PCDHA5: variants seen among roughly 807,000 people sequenced by gnomAD.
PCDHA5 encodes protocadherin alpha 5, also known as protocadherin alpha-5.
Under a neutral mutation model 61.6 loss-of-function variants are expected in PCDHA5, and 43 were observed. The observed-to-expected ratio is 0.70, with a 90% CI of 0.55 to 0.90. The LOEUF (loss-of-function observed/expected upper bound fraction) is 0.90. Among genes scored for constraint, PCDHA5 ranks in the 40% least tolerant of loss-of-function variants. The pLI, the probability that PCDHA5 is intolerant of heterozygous loss-of-function variation, is 0.00. For missense variants in PCDHA5, 1,298 were observed against 1,222.7 expected, an observed-to-expected ratio of 1.06 and a Z score of -0.92; for synonymous variants, 627 against 543.9, an observed-to-expected ratio of 1.15 and a Z score of -2.13.
intron 1 of PCDHA5, chr5:140,830,286 G>C (rs1434180043): frequency 6.2e-7 from 1 of 1,613,738 alleles, no homozygotes; most frequent in Non-Finnish European, 8.5e-7. Flanking sequence ...GAGGGCGCGT[G>C]CACGGCGGAC....
At chr5:140,875,474 T>C (rs1369376569) in intron 1 of PCDHA5, 1 of 1,606,582 alleles carries the variant, frequency 6.2e-7, no homozygotes, top group Non-Finnish European at 8.5e-7. Flanking sequence ...TTTTCTGCAA[T>C]GGTGATTATC....
intron 1 of PCDHA5, among the ~76,000 whole-genome samples, chr5:140,937,123 C>T (rs1255527159): frequency 1.3e-5 from 2 of 151,390 alleles, no homozygotes; most frequent in Non-Finnish European, 2.9e-5. Context: ...CTGCAAGCTC[C>T]GCCTCCCGGG....
chr5:140,915,363 G>C (rs1554196864), intron 1 of PCDHA5, among the ~76,000 whole-genome samples: 1 of 152,136 alleles, frequency 6.6e-6, no homozygotes, highest in Non-Finnish European at 1.5e-5. Context: ...ATTCTTACCA[G>C]TAAGTGTCTC....
intron 1 of PCDHA5, among the ~76,000 whole-genome samples, chr5:140,903,666 A>T (rs1554191076): frequency 6.6e-6 from 1 of 152,228 alleles, no homozygotes; most frequent in African/African-American, 2.4e-5. Flanking sequence ...AATTTAACTG[A>T]TATAAAAGAT....
intron 1 of PCDHA5, chr5:140,870,846 G>T: frequency 6.2e-7 from 1 of 1,613,860 alleles, no homozygotes; most frequent in Non-Finnish European, 8.5e-7. Context: ...AGCTAGTACC[G>T]CGGTCGGTGG....
At chr5:140,905,704 T>C (rs960569704) in intron 1 of PCDHA5, among the ~76,000 whole-genome samples, 2 of 152,242 alleles carry the variant, frequency 1.3e-5, no homozygotes, top group African/African-American at 4.8e-5. Context: ...TCATTTATGA[T>C]TTCCTTCAGC....
intron 1 of PCDHA5, among the ~76,000 whole-genome samples, chr5:140,839,959 T>C (rs1776495243): frequency 6.6e-6 from 1 of 151,872 alleles, no homozygotes; most frequent in South Asian, 2.1e-4. Context: ...ACATATTTTC[T>C]GTAAAATATG....
intron 1 of PCDHA5, among the ~76,000 whole-genome samples, chr5:140,846,095 G>A (rs2150384472): frequency 6.7e-5 from 10 of 149,712 alleles, no homozygotes; most frequent in African/African-American, 2.4e-4. Context: ...GTCCTTCCAA[G>A]GAATGTGTAG....
intron 1 of PCDHA5, chr5:140,967,711 G>C (rs557842321): frequency 6.2e-7 from 1 of 1,614,168 alleles, no homozygotes; most frequent in East Asian, 2.2e-5. Context: ...CCAGTACCGG[G>C]GAAGTGCGAG....
At chr5:140,955,907 C>A (rs1356508512) in intron 1 of PCDHA5, among the ~76,000 whole-genome samples, 3 of 152,126 alleles carry the variant, frequency 2.0e-5, no homozygotes, top group East Asian at 3.8e-4. Flanking sequence ...CTCTTTGTAG[C>A]AATTGTGAAT....
chr5:140,874,818 T>C (rs1169923118), intron 1 of PCDHA5, among the ~76,000 whole-genome samples: 8 of 152,256 alleles, frequency 5.3e-5, no homozygotes, highest in Admixed American at 5.2e-4. Flanking sequence ...ACAATTTATA[T>C]AAATGAAATA....
Position 140,881,767 on chromosome 5 carries a change from C to T in PCDHA5, c.2352+57640C>T, listed in dbSNP as rs923432967. Among the ~76,000 whole-genome samples, 13 of 152,322 alleles carry T rather than the reference C, an allele frequency of 8.5e-5. No homozygotes were observed. In the East Asian group the frequency reaches 2.1e-3, roughly 25 times the overall value. On this transcript the variant is annotated intron_variant, in intron 1 of 3. Coordinates refer to ENST00000529859, the MANE Select transcript of PCDHA5 (RefSeq NM_018908.3). ...GACAGTACCACAAAAACCTACATGA[C>T]TATGCAGAACTACCGATCAATTGTC...
intron 1 of PCDHA5, chr5:140,836,035 T>C (rs1214967185): frequency 1.2e-6 from 2 of 1,613,438 alleles, no homozygotes; most frequent in Non-Finnish European, 8.5e-7. Context: ...AACGTGACGC[T>C]GCAGGTGTTC....
intron 1 of PCDHA5, chr5:140,852,708 G>A (rs1175249471): frequency 1.0e-6 from 1 of 979,130 alleles, no homozygotes; most frequent in Non-Finnish European, 1.2e-6. Flanking sequence ...AAGTATCTTT[G>A]TCTTTGCACG....
In PCDHA5 at chr5:140,828,686, T is replaced by C. The variant is rs184176193; in HGVS notation, c.2352+4559T>C. 17 of 1,614,164 alleles carry C rather than the reference T, an allele frequency of 1.1e-5. No homozygotes were observed. Among genetic ancestry groups the C allele is most frequent in the Admixed American group, 3.3e-5 (2 of 60,022 alleles). On this transcript the variant is annotated intron_variant, in intron 1 of 3. Transcript: ENST00000529859. ...ACAAATTGGGCTCTTATTAAAGAAA[T>C]CCTTGGACAGAGAGGAAGCTCCTGC...
Position 140,883,090 on chromosome 5 carries a change from T to C in PCDHA5, c.2352+58963T>C, listed in dbSNP as rs550322124. On this transcript the variant is annotated intron_variant, in intron 1 of 3. Transcript: ENST00000529859. ...CCACAGATCCTGATGATGGTACAAA[T>C]GGAGATATAGTTTACTCATTTAGAA... The C allele has an allele frequency of 1.4e-4, 226 of 1,614,138 alleles. 1 individual carries two copies. In the South Asian group the frequency reaches 2.4e-3, roughly 17 times the overall value.
In PCDHA5 at chr5:140,842,642, T is replaced by G. The variant is rs1554139236; in HGVS notation, c.2352+18515T>G. Reference sequence around the variant, plus strand: ...GCCTTCGCTGTGGGCCACCGCCAGCTTGTCTGTGGAGGTGGCCGACGTGAA... The same window carrying G: ...GCCTTCGCTGTGGGCCACCGCCAGCGTGTCTGTGGAGGTGGCCGACGTGAA... On this transcript the variant is annotated intron_variant, in intron 1 of 3. Transcript: ENST00000529859. 4.4e-6 allele frequency: 7 copies of G among 1,594,996 alleles called. 1 individual carries two copies. The Admixed American group carries it at 5.1e-5, about 12-fold the overall frequency.
At chr5:140,888,959 A>G (rs1554183707) in intron 1 of PCDHA5, among the ~76,000 whole-genome samples, 1 of 152,024 alleles carries the variant, frequency 6.6e-6, no homozygotes, top group African/African-American at 2.4e-5. Flanking sequence ...TTCTTTGGCA[A>G]TGTTAATGTG....
intron 1 of PCDHA5, among the ~76,000 whole-genome samples, chr5:140,941,011 C>T (rs1554213684): frequency 6.6e-6 from 1 of 152,124 alleles, no homozygotes; most frequent in African/African-American, 2.4e-5. Context: ...TTTTCCTTTC[C>T]TATTTTCCTT....
Sources: gnomAD v4.1 joint callset for allele counts (sites outside exome capture counted in the v4.1 genomes callset) on GRCh38, gnomAD v4.1.1 for gene constraint, MANE v1.5 for transcripts, NCBI Gene and HGNC (gene_info 2026-07-23, HGNC 2026-07-21) for gene names.